Variants in MKLN1 observed in about 807,000 individuals in gnomAD.
MKLN1 encodes muskelin 1.
MKLN1 carries 18 observed loss-of-function variants against 99.0 expected under a neutral mutation model. That is an observed-to-expected ratio of 0.18 (90% CI 0.13 to 0.27). MKLN1 has a LOEUF of 0.27. Among genes scored for constraint, MKLN1 ranks in the 10% least tolerant of loss-of-function variants. The pLI, the probability that MKLN1 is intolerant of heterozygous loss-of-function variation, is 1.00. For synonymous variants in MKLN1, 288 were observed against 293.2 expected, an observed-to-expected ratio of 0.98 and a Z score of 0.18; for missense variants, 621 against 875.9, an observed-to-expected ratio of 0.71 and a Z score of 3.67.
At position 131,494,346 on chromosome 7, in the gene MKLN1, TA is replaced by T. The variant is rs1356547009; in HGVS notation, c.*6621del. ...ACTGGCAGAGCTTTATAAATCTTTATAAATTCAGTTACAACAAAGGAGAGGA... is the reference window on the plus strand; with the variant it reads ...ACTGGCAGAGCTTTATAAATCTTTATAATTCAGTTACAACAAAGGAGAGGA... On this transcript the variant is annotated 3_prime_UTR_variant, in exon 18 of 18. Transcript: ENST00000352689. 1 of 152,232 alleles carries T rather than the reference TA, an allele frequency of 6.6e-6. No homozygotes were observed. The highest frequency in any genetic ancestry group is 1.5e-5 in the Non-Finnish European group (1 of 68,036). 9.4% of individuals were successfully genotyped at this position (152,232 alleles called of 1,614,324 possible).
chr7:131,460,896 G>A (rs1182855882), intron 12 of MKLN1, among the ~76,000 whole-genome samples: 1 of 152,132 alleles, frequency 6.6e-6, no homozygotes, highest in African/African-American at 2.4e-5. Context: ...TACCACTTAC[G>A]AAAGTAATTC....
intron 3 of MKLN1, among the ~76,000 whole-genome samples, chr7:131,274,846 T>G (rs1797936886): frequency 6.6e-6 from 1 of 152,122 alleles, no homozygotes; most frequent in South Asian, 2.1e-4. Flanking sequence ...TAATAAACAC[T>G]AATCCCCTGT....
chr7:131,282,387 T>C (rs2116580534), intron 3 of MKLN1, among the ~76,000 whole-genome samples: 1 of 148,498 alleles, frequency 6.7e-6, no homozygotes, highest in Admixed American at 6.7e-5. Context: ...GAAGAAAACA[T>C]GGTCTTTGTC....
intron 2 of MKLN1, among the ~76,000 whole-genome samples, chr7:131,191,063 C>A (rs1212120056): frequency 1.3e-5 from 2 of 152,166 alleles, no homozygotes; most frequent in Non-Finnish European, 2.9e-5. Flanking sequence ...ACTAGCTAGG[C>A]CATAGATAGC....
At chr7:131,485,868 G>A (rs961431674) in intron 17 of MKLN1, among the ~76,000 whole-genome samples, 2 of 151,954 alleles carry the variant, frequency 1.3e-5, no homozygotes, top group African/African-American at 4.8e-5. Flanking sequence ...ATCTTGGATT[G>A]GATTTTAGAT....
chr7:131,339,018 A>G (rs1055725393), intron 1 of MKLN1, among the ~76,000 whole-genome samples: 9 of 152,216 alleles, frequency 5.9e-5, no homozygotes, highest in African/African-American at 2.2e-4. Context: ...AGTTTTCTTA[A>G]TAACATTTTC....
chr7:131,136,924 C>T (rs58266123), intron 1 of MKLN1, among the ~76,000 whole-genome samples: 21,025 of 152,202 alleles, frequency 0.14, 1,700 homozygotes, highest in East Asian at 0.3. Flanking sequence ...CCACAGTGAA[C>T]TTCAGTGGTT....
intron 3 of MKLN1, among the ~76,000 whole-genome samples, chr7:131,222,596 C>T (rs1280938188): frequency 6.6e-6 from 1 of 152,114 alleles, no homozygotes; most frequent in Non-Finnish European, 1.5e-5. Context: ...CTGTGTGCCT[C>T]CTGGTGTATC....
intron 9 of MKLN1, among the ~76,000 whole-genome samples, chr7:131,434,744 G>A (rs1242862437): frequency 6.6e-6 from 1 of 152,102 alleles, no homozygotes; most frequent in Non-Finnish European, 1.5e-5. Flanking sequence ...TGTAGAGATA[G>A]GATCTCTGTA....
intron 2 of MKLN1, among the ~76,000 whole-genome samples, chr7:131,152,814 TA>T (rs1795907799): frequency 6.6e-6 from 1 of 152,080 alleles, no homozygotes; most frequent in Non-Finnish European, 1.5e-5. Context: ...ATAAGGTTCA[TA>T]CACTGAAGTT....
intron 12 of MKLN1, among the ~76,000 whole-genome samples, chr7:131,446,942 T>C (rs1385732544): frequency 6.6e-6 from 1 of 152,114 alleles, no homozygotes; most frequent in African/African-American, 2.4e-5. Flanking sequence ...GTAGACTCAA[T>C]AGATATGTTA....
chr7:131,121,107 G>T (rs570933491), intron 1 of MKLN1, among the ~76,000 whole-genome samples: 5 of 152,172 alleles, frequency 3.3e-5, no homozygotes, highest in African/African-American at 1.2e-4. Flanking sequence ...AGGCAAAGGG[G>T]AAGCAAACGC....
chr7:131,171,179 G>T (rs903340583), intron 2 of MKLN1, among the ~76,000 whole-genome samples: 16 of 152,180 alleles, frequency 1.1e-4, no homozygotes, highest in African/African-American at 3.9e-4. Context: ...GAAATGGTGA[G>T]GGAGGTTTCT....
intron 3 of MKLN1, among the ~76,000 whole-genome samples, chr7:131,320,312 AAAAC>A (rs1798751594): frequency 6.6e-6 from 1 of 152,228 alleles, no homozygotes; most frequent in Non-Finnish European, 1.5e-5. Context: ...AAACCTGACA[AAAAC>A]AAGCAATGGG....
chr7:131,270,199 G>C (rs1033552878), intron 3 of MKLN1, among the ~76,000 whole-genome samples: 2 of 151,738 alleles, frequency 1.3e-5, no homozygotes, highest in African/African-American at 4.8e-5. Context: ...TGGGATTACA[G>C]GCATGAGCCA....
chr7:131,468,815 C>T (rs1004176463), intron 15 of MKLN1, among the ~76,000 whole-genome samples: 2 of 152,288 alleles, frequency 1.3e-5, no homozygotes, highest in Admixed American at 1.3e-4. Context: ...ACATAACTTT[C>T]AGGACACTGA....
chr7:131,243,763 C>G (rs1339898477), intron 3 of MKLN1, among the ~76,000 whole-genome samples: 1 of 152,134 alleles, frequency 6.6e-6, no homozygotes, highest in Non-Finnish European at 1.5e-5. Context: ...TCTGTAATCC[C>G]AGCACTTTGG....
At chr7:131,225,377 A>T (rs1797131694) in intron 3 of MKLN1, among the ~76,000 whole-genome samples, 1 of 152,202 alleles carries the variant, frequency 6.6e-6, no homozygotes, top group Non-Finnish European at 1.5e-5. Flanking sequence ...TGCTCAGAGG[A>T]TCCACTCCTA....
chr7:131,433,792 A>T (rs1485836893), intron 9 of MKLN1, among the ~76,000 whole-genome samples: 1 of 152,120 alleles, frequency 6.6e-6, no homozygotes, highest in Non-Finnish European at 1.5e-5. Flanking sequence ...TAGAATCACC[A>T]ATTTCTAGAA....
Sources: allele counts gnomAD v4.1 joint callset (sites outside exome capture counted in the v4.1 genomes callset), GRCh38; gene constraint gnomAD v4.1.1; transcripts MANE v1.5; gene names NCBI Gene and HGNC (gene_info 2026-07-23, HGNC 2026-07-21).